The following ZNF541 variants were observed in gnomAD, a reference collection of about 807,000 sequenced individuals.
ZNF541 encodes zinc finger protein 541.
Under a neutral mutation model 123.5 loss-of-function variants are expected in ZNF541, and 23 were observed. The observed-to-expected ratio is 0.19, with a 90% CI of 0.13 to 0.26. The LOEUF is 0.26. Ranked by LOEUF, ZNF541 falls within the 10% of genes least tolerant of loss-of-function variation. The probability of loss-of-function intolerance (pLI) is 1.00; values close to 1 mark genes in which losing one functional copy is unlikely to be tolerated. For missense variants in ZNF541, 1,612 were observed against 1,789.9 expected, an observed-to-expected ratio of 0.90 and a Z score of 1.79; for synonymous variants, 751 against 754.5, an observed-to-expected ratio of 1.00 and a Z score of 0.08.
chr19:47,544,426 G>C lies in ZNF541; in HGVS notation c.2103C>G (p.Thr701=). ...DIFPSTGQRQ[T]QLGGEEPPGA... Reference sequence around the variant, plus strand: ...CTGGTGGCTCCTCCCCACCTAACTGGGTCTGCCGTTGGCCTGTGGAGGGGA... The same window carrying C: ...CTGGTGGCTCCTCCCCACCTAACTGCGTCTGCCGTTGGCCTGTGGAGGGGA... Residue 701 remains threonine, a synonymous_variant, in exon 5 of 17, where the codon ACC becomes ACG. Transcript: ENST00000391901. 6.4e-7 allele frequency: 1 copy of C among 1,551,618 alleles called. No individual in the cohort carries two copies. The highest frequency in any genetic ancestry group is 8.7e-7 in the Non-Finnish European group (1 of 1,147,014).
chr19:47,522,777 C>T (rs1433532946), intron 14 of ZNF541, among the ~76,000 whole-genome samples: 2 of 144,988 alleles, frequency 1.4e-5, no homozygotes, highest in African/African-American at 2.6e-5. Flanking sequence ...GACAGAATCT[C>T]GCTCTGTCGC....
At chr19:47,565,045 G>GT (rs1971208837) in intron 2 of ZNF541, among the ~76,000 whole-genome samples, 1 of 152,022 alleles carries the variant, frequency 6.6e-6, no homozygotes, top group African/African-American at 2.4e-5. Flanking sequence ...TCTAAGTGAA[G>GT]TAACTCAGGA....
intron 14 of ZNF541, 21 bp downstream of exon 14, chr19:47,528,929 A>G: frequency 1.3e-6 from 2 of 1,543,224 alleles, no homozygotes; most frequent in Non-Finnish European, 1.8e-6. Context: ...GGCCTTGGAC[A>G]CCAGCCCACA....
chr19:47,540,172 T>C lies in ZNF541; in HGVS notation c.2622+4A>G. The C allele has an allele frequency of 6.5e-7, 1 of 1,549,774 alleles. No homozygotes were observed. On this transcript the variant is annotated splice_donor_region_variant and intron_variant, in intron 7 of 16. Transcript: ENST00000391901. ...CCACCAAGCCACTGGTCGTCCCCCT[T>C]CACCTGCGGTTCCTGCTTCCCTCGA...
chr19:47,549,545 A>G, intron 3 of ZNF541, 60 bp from the exon 4 acceptor site: 1 of 1,543,294 alleles, frequency 6.5e-7, no homozygotes, highest in Non-Finnish European at 8.7e-7. Context: ...GAAAAGCACG[A>G]CTAAGGCACT....
At chr19:47,531,826 C>A in intron 11 of ZNF541, 81 bp from the exon 12 acceptor site, 1 of 1,271,792 alleles carries the variant, frequency 7.9e-7, no homozygotes, top group Non-Finnish European at 1.1e-6. Context: ...CGAAAGACAG[C>A]AGAGAGGGGG....
intron 14 of ZNF541, among the ~76,000 whole-genome samples, chr19:47,526,219 C>T (rs938801430): frequency 6.6e-6 from 1 of 152,122 alleles, no homozygotes; most frequent in Non-Finnish European, 1.5e-5. Context: ...CGGTGGCTCA[C>T]GCCTGTAATC....
chr19:47,554,742 C>T (rs978079295), intron 3 of ZNF541, among the ~76,000 whole-genome samples: 2 of 152,152 alleles, frequency 1.3e-5, no homozygotes, highest in Non-Finnish European at 2.9e-5. Context: ...ATAAGGATAT[C>T]CCCAGACACC....
chr19:47,521,023 C>G lies in ZNF541; in HGVS notation c.*201G>C. On this transcript the variant is annotated 3_prime_UTR_variant, in exon 17 of 17. Transcript: ENST00000391901. This position sits in a 1 kb window ranked among gnomAD's most constrained non-coding sequence, Gnocchi z 4.2. ...AGGAGAGTGGAGCCTCCAGCACCAC[C>G]GGACAGGGACTGCATAGCTGTCCGA... is the stretch of plus-strand genomic sequence containing the variant. 1 of 607,718 alleles carries G rather than the reference C, an allele frequency of 1.6e-6. No individual in the cohort carries two copies. The highest frequency in any genetic ancestry group is 2.2e-5 in the South Asian group (1 of 45,752). The allele number at this position is 607,718 out of a possible 1,614,324, so 37.6% of individuals were successfully genotyped here.
Position 47,544,039 on chromosome 19 carries a change from T to G in ZNF541, c.2403+87A>C, listed in dbSNP as rs148707059. The G allele has an allele frequency of 4.7e-3, 6,703 of 1,417,446 alleles. 79 individuals carry two copies. In the Admixed American group the frequency reaches 0.05, roughly 11 times the overall value. The allele number at this position is 1,417,446 out of a possible 1,614,324, so 87.8% of individuals were successfully genotyped here. A position where few individuals can be genotyped will look rare whatever the true frequency, so the allele number is the denominator to read the frequency against. The stretch of plus-strand genomic sequence containing the variant: ...TGTAAAATTGCATCTGGGGACTCTC[T>G]GAAATGAAATAAAATGCCTGGACAA... On this transcript the variant is annotated intron_variant, in intron 5 of 16. Coordinates refer to ENST00000391901, the MANE Select transcript of ZNF541 (RefSeq NM_001277075.3).
intron 12 of ZNF541, 40 bp from the exon 13 acceptor site, chr19:47,529,692 G>A: frequency 2.0e-6 from 3 of 1,533,494 alleles, no homozygotes; most frequent in African/African-American, 1.4e-5. Context: ...GGACCAGGTG[G>A]GGGAAGAGGA....
At chr19:47,560,927 C>G (rs532902390) in intron 2 of ZNF541, among the ~76,000 whole-genome samples, 2 of 152,044 alleles carry the variant, frequency 1.3e-5, no homozygotes. Flanking sequence ...CATGGAGGAA[C>G]CTTAAATGCA....
chr19:47,546,526 C>G (rs1420507850), intron 4 of ZNF541, among the ~76,000 whole-genome samples: 2 of 150,912 alleles, frequency 1.3e-5, no homozygotes, highest in Non-Finnish European at 3.0e-5. Context: ...AACAAACAAA[C>G]AAATAAATAA....
chr19:47,539,583 T>C, intron 8 of ZNF541, 122 bp downstream of exon 8: 1 of 1,138,728 alleles, frequency 8.8e-7, no homozygotes, highest in Middle Eastern at 3.0e-4. Context: ...ATTACAGGCA[T>C]GAGCCACCAC....
intron 10 of ZNF541, among the ~76,000 whole-genome samples, 200 bp downstream of exon 10, chr19:47,532,709 C>CATAT (rs34750623): frequency 1.3e-4 from 19 of 150,028 alleles, no homozygotes; most frequent in Admixed American, 1.1e-3. Context: ...GGGGGATTTT[C>CATAT]ATATATATAT....
At chr19:47,543,244 C>T (rs987718512) in intron 5 of ZNF541, among the ~76,000 whole-genome samples, 2 of 152,156 alleles carry the variant, frequency 1.3e-5, no homozygotes, top group Non-Finnish European at 2.9e-5. Context: ...GGACCACAGG[C>T]GTGCACCACC....
At position 47,543,288 on chromosome 19, in the gene ZNF541, G is replaced by GAC. The variant is rs1222046208; in HGVS notation, c.2403+836_2403+837dup. Among the ~76,000 whole-genome samples, 16 of 152,142 alleles carry GAC rather than the reference G, an allele frequency of 1.1e-4. No individual in the cohort carries two copies. The East Asian group carries it at 3.1e-3, about 30-fold the overall frequency. ...CTAATTTTTTTTAAATTTTGGTAGA[G>GAC]ACAGGGTTTCGCCATGTTGCCCAGG... is the stretch of plus-strand genomic sequence containing the variant. On this transcript the variant is annotated intron_variant, in intron 5 of 16. Coordinates refer to ENST00000391901, the MANE Select transcript of ZNF541 (RefSeq NM_001277075.3).
chr19:47,543,753 C>T (rs1970181378), intron 5 of ZNF541, among the ~76,000 whole-genome samples: 1 of 151,326 alleles, frequency 6.6e-6, no homozygotes, highest in African/African-American at 2.4e-5. Context: ...CGATTCTCCC[C>T]CACCTCAGCC....
rs1454035431 is a variant in ZNF541 at position 47,571,933 on chromosome 19, G to A, written c.-136C>T. On this transcript the variant is annotated 5_prime_UTR_variant, in exon 2 of 17. Transcript: ENST00000391901. ...TTAGTGAATCTCCAGGGAACAGGAG[G>A]ACCCAGTTTAGGCCCCACAGGGAGG... is the stretch of plus-strand genomic sequence containing the variant. Among the ~76,000 whole-genome samples the A allele has an allele frequency of 1.3e-5, 2 of 152,198 alleles. No individual in the cohort carries two copies. Among genetic ancestry groups the A allele is most frequent in the African/African-American group, 4.8e-5 (2 of 41,448 alleles).
Sources: gnomAD v4.1 joint callset for allele counts (sites outside exome capture counted in the v4.1 genomes callset) on GRCh38, gnomAD v4.1.1 for gene constraint, Gnocchi (gnomAD v3.1) non-coding constraint, MANE v1.5 for transcripts, NCBI Gene and HGNC (gene_info 2026-07-23, HGNC 2026-07-21) for gene names.